MACF1: variants seen among roughly 807,000 people sequenced by gnomAD.
MACF1 encodes microtubule actin crosslinking factor 1.
In MACF1, 193 loss-of-function variants were observed where a neutral mutation model predicts 854.8. The observed-to-expected ratio is 0.23, with a 90% CI of 0.20 to 0.25. MACF1 has a LOEUF of 0.25. Among genes scored for constraint, MACF1 ranks in the 10% least tolerant of loss-of-function variants. The pLI is 1.00. For missense variants in MACF1, 7,722 were observed against 8,929.1 expected (o/e 0.86, Z 5.45); for synonymous variants, 3,185 against 3,226.7 (o/e 0.99, Z 0.44).
chr1:39,144,080 CT>C (rs1430433191), intron 2 of MACF1, among the ~76,000 whole-genome samples: 2,699 of 107,560 alleles, frequency 0.025, 38 homozygotes, highest in East Asian at 0.12. Context: ...AGCCACGGCG[CT>C]TTTTTTTTTT....
At chr1:39,434,288 C>CATTTAT (rs1643924835) in intron 68 of MACF1, 126 bp from the exon 69 acceptor site, 1 of 446,908 alleles carries the variant, frequency 2.2e-6, no homozygotes, top group Non-Finnish European at 3.9e-6. Flanking sequence ...GTAATCTTTA[C>CATTTAT]TGATATTTTA....
chr1:39,318,360 A>G, intron 29 of MACF1, 93 bp from the exon 30 acceptor site: 1 of 1,174,464 alleles, frequency 8.5e-7, no homozygotes, highest in Non-Finnish European at 1.2e-6. Context: ...GGTCAAGCCC[A>G]GCTGGATACA....
At chr1:39,316,205 A>C (rs2148445208) in intron 27 of MACF1, among the ~76,000 whole-genome samples, 186 bp from the exon 28 acceptor site, 1 of 152,322 alleles carries the variant, frequency 6.6e-6, no homozygotes, top group Admixed American at 6.5e-5. Flanking sequence ...CTTTATTTTG[A>C]ATTGGCTTAA....
intron 58 of MACF1, among the ~76,000 whole-genome samples, chr1:39,415,525 A>ATT (rs552780376): frequency 1.5e-5 from 2 of 134,538 alleles, no homozygotes; most frequent in African/African-American, 2.7e-5. Flanking sequence ...TATATATATA[A>ATT]TTTTTTTTTT....
At chr1:39,282,425 G>A (rs892508027) in intron 7 of MACF1, 51 bp downstream of exon 7, 2 of 1,549,966 alleles carry the variant, frequency 1.3e-6, no homozygotes, top group East Asian at 2.3e-5. Context: ...CTCATCTCTT[G>A]TTTGTAATTA....
At chr1:39,323,730 TA>T (rs941301329) in intron 33 of MACF1, among the ~76,000 whole-genome samples, 21 of 151,090 alleles carry the variant, frequency 1.4e-4, no homozygotes, top group East Asian at 1.2e-3. Context: ...GCCTCTCTTA[TA>T]AAAAAAAAGC....
chr1:39,452,700 A>T lies in MACF1; in HGVS notation c.20630A>T (p.Asp6877Val). ...QALKQAEVFR[D>V]TVHMLLEWLS... ...TTATTTCAGGCGGAAGTGTTTCGAG[A>T]CACAGTCCACATGCTGTTGGAGTGG... Residue 6877 changes from aspartate to valine, a missense_variant, in exon 87 of 101, where the codon GAC becomes GTC. Asp to Val is a radical substitution (Grantham distance 152, BLOSUM62 -3). This residue lies in a region of MACF1 where 729 missense variants were observed against 900.5 expected (regional missense o/e 0.81). Coordinates refer to ENST00000564288, the MANE Select transcript of MACF1 (RefSeq NM_001394062.1). 1 of 1,613,272 alleles carries T rather than the reference A, an allele frequency of 6.2e-7. No homozygotes were observed. The highest frequency in any genetic ancestry group is 8.5e-7 in the Non-Finnish European group (1 of 1,180,014).
Position 39,295,836 on chromosome 1 carries a change from G to A in MACF1, c.2309G>A (p.Cys770Tyr). 1 of 1,614,174 alleles carries A rather than the reference G, an allele frequency of 6.2e-7. No individual in the cohort carries two copies. Among genetic ancestry groups the A allele is most frequent in the Non-Finnish European group, 8.5e-7 (1 of 1,180,014 alleles). Residue 770 changes from cysteine (C) to tyrosine (Y), a missense_variant, in exon 20 of 101, where the codon TGC (cysteine) becomes TAC (tyrosine). Cys to Tyr is a radical substitution (Grantham distance 194). Transcript: ENST00000564288. ...CAGTTGCAGTGGATGAAGCAGCTGT[G>A]CCTGTGTGTTGAGCAGCATGTGAAA... ...QSQLQWMKQL[C>Y]LCVEQHVKEN...
At chr1:39,306,478 T>C (rs1646179179) in intron 23 of MACF1, among the ~76,000 whole-genome samples, 1 of 152,156 alleles carries the variant, frequency 6.6e-6, no homozygotes, top group Non-Finnish European at 1.5e-5. Context: ...GAGTGGGTAA[T>C]TGTTTTGTTT....
chr1:39,322,598 C>T lies in MACF1; in HGVS notation c.4030-10C>T. The T allele has an allele frequency of 1.2e-6, 2 of 1,600,888 alleles. No homozygotes were observed. The highest frequency in any genetic ancestry group is 1.7e-6 in the Non-Finnish European group (2 of 1,168,048). ...CCTGAGTAACTGTAGCGAAATTCAT[C>T]CTTTCCTAGGACTATGAATTGCAAC... On this transcript the variant is annotated splice_polypyrimidine_tract_variant and intron_variant, in intron 31 of 100. Transcript: ENST00000564288.
chr1:39,310,357 G>T lies in MACF1; in HGVS notation c.3029G>T (p.Arg1010Leu), dbSNP rs770147509. ...RDSVLFSVAD[R>L]LRLEEEVEAC... Reference sequence around the variant, plus strand: ...TCTGTGCTGTTCTCAGTGGCTGATCGCTTGCGCTTGGAAGAGGAGGTGGAA... The same window carrying T: ...TCTGTGCTGTTCTCAGTGGCTGATCTCTTGCGCTTGGAAGAGGAGGTGGAA... The change falls in exon 25 of 101, where the codon CGC (arginine) becomes CTC (leucine). Residue 1010 changes from arginine to leucine, a missense_variant. Coordinates refer to ENST00000564288, the MANE Select transcript of MACF1 (RefSeq NM_001394062.1). The T allele has an allele frequency of 5.6e-6, 9 of 1,614,090 alleles. No homozygotes were observed. Among genetic ancestry groups the T allele is most frequent in the Non-Finnish European group, 6.8e-6 (8 of 1,180,008 alleles).
chr1:39,246,752 C>T (rs922957783), intron 2 of MACF1, among the ~76,000 whole-genome samples: 1 of 151,952 alleles, frequency 6.6e-6, no homozygotes, highest in African/African-American at 2.4e-5. Flanking sequence ...TCAGGTGATC[C>T]ACCCACCTCA....
Position 39,123,290 on chromosome 1 carries a change from C to T in MACF1, c.220+38852C>T, listed in dbSNP as rs1057470655. On this transcript the variant is annotated intron_variant, in intron 2 of 93. Transcript: ENST00000361689. ...TGGTGCGATCTTGGCTCACTGCAAC[C>T]TCTATCTCCCAGGTTGAAGCGATTC... is the stretch of plus-strand genomic sequence containing the variant. Among the ~76,000 whole-genome samples the T allele has an allele frequency of 2.7e-5, 4 of 147,930 alleles. No homozygotes were observed. In the Admixed American group the frequency reaches 2.8e-4, roughly 10 times the overall value.
At chr1:39,275,040 T>G (rs1006744231) in intron 6 of MACF1, among the ~76,000 whole-genome samples, 2 of 151,762 alleles carry the variant, frequency 1.3e-5, no homozygotes, top group African/African-American at 4.8e-5. Flanking sequence ...AGACTCCTTT[T>G]TACTAATAAG....
At chr1:39,208,517 G>A (rs116621266) in intron 1 of MACF1, among the ~76,000 whole-genome samples, 20 of 152,088 alleles carry the variant, frequency 1.3e-4, no homozygotes, top group African/African-American at 4.1e-4. Flanking sequence ...ACAGTGGTAC[G>A]ATGTTGGTTC....
At chr1:39,347,457 G>T (rs1426375782) in intron 41 of MACF1, among the ~76,000 whole-genome samples, 1 of 152,204 alleles carries the variant, frequency 6.6e-6, no homozygotes, top group Admixed American at 6.5e-5. Flanking sequence ...ACATATGCAA[G>T]TGTTTTCTTT....
In MACF1 at chr1:39,357,378, C is replaced by G; in HGVS notation, c.11428C>G (p.Arg3810Gly). ...TGGGGGGATTTTTTTTTACCAGGCC[C>G]GTCACCAAGAATTGCTGTCCCAGCA... is the stretch of plus-strand genomic sequence containing the variant. ...LDKQCEMMKA[R>G]HQELLSQQQN... The change falls in exon 45 of 101, where the codon CGT (arginine) becomes GGT (glycine). Residue 3810 changes from arginine (R) to glycine (G), a missense_variant. Physicochemically the swap from Arg to Gly is moderately radical, Grantham distance 125. This residue lies in a region of MACF1 where 2,807 missense variants were observed against 3,235.8 expected (regional missense o/e 0.87). Transcript: ENST00000564288. The G allele has an allele frequency of 1.2e-6, 2 of 1,610,748 alleles. No individual in the cohort carries two copies. The highest frequency in any genetic ancestry group is 1.7e-6 in the Non-Finnish European group (2 of 1,178,644).
rs139215812 is a variant in MACF1 at position 39,403,161 on chromosome 1, C to T, written c.15816+14503C>T. ...CTCCCAGGCTGGAGTGCAGTGGGTG[C>T]GATCTTGGCTCACTGCAGTCTCCAC... On this transcript the variant is annotated intron_variant, in intron 58 of 100. Transcript: ENST00000564288. 9.1e-3 allele frequency among the ~76,000 whole-genome samples: 1,375 copies of T among 151,584 alleles called. 27 individuals carry two copies. Among genetic ancestry groups the T allele is most frequent in the African/African-American group, 0.031 (1,285 of 41,282 alleles).
chr1:39,171,221 GTGTGTGTA>G (rs999796612), intron 2 of MACF1, among the ~76,000 whole-genome samples: 24 of 151,812 alleles, frequency 1.6e-4, no homozygotes, highest in African/African-American at 7.3e-5. Flanking sequence ...GTGTGTGTGT[GTGTGTGTA>G]TGTGTGTGTG....
Sources: gnomAD v4.1 joint callset for allele counts (sites outside exome capture counted in the v4.1 genomes callset) on GRCh38, gnomAD v4.1.1 for gene constraint, gnomAD v4.1.1 regional missense constraint, MANE v1.5 for transcripts, NCBI Gene and HGNC (gene_info 2026-07-23, HGNC 2026-07-21) for gene names.